The following PHF2 variants were observed in gnomAD, a reference collection of about 807,000 sequenced individuals.
PHF2 encodes PHD finger protein 2, also known as lysine-specific demethylase PHF2.
Under a neutral mutation model 120.5 loss-of-function variants are expected in PHF2, and 27 were observed. That is an observed-to-expected ratio of 0.22 (90% CI 0.17 to 0.31). The LOEUF (loss-of-function observed/expected upper bound fraction) is 0.31, where lower values mean the gene tolerates loss of function less well. Among genes scored for constraint, PHF2 ranks in the 10% least tolerant of loss-of-function variants. The probability of loss-of-function intolerance (pLI) is 1.00; values close to 1 mark genes in which losing one functional copy is unlikely to be tolerated. For missense variants in PHF2, 1,024 were observed against 1,434.8 expected (o/e 0.71, Z 4.63); for synonymous variants, 568 against 592.5 (o/e 0.96, Z 0.60).
At position 93,666,039 on chromosome 9, in the gene PHF2, G is replaced by A. The variant is rs1357567214; in HGVS notation, c.2166G>A (p.Lys722=). Residue 722 remains lysine (K), a synonymous_variant, in exon 16 of 22, where the codon AAG becomes AAA. Coordinates refer to ENST00000359246, the MANE Select transcript of PHF2 (RefSeq NM_005392.4). The stretch of plus-strand genomic sequence containing the variant: ...TGCCCACGCCTGTCACGAAGCCAAA[G>A]CTGGACTCGGCAGCGTACAAGGTGA... ...AVLPTPVTKP[K]LDSAAYKSDD... 4 of 1,613,178 alleles carry A rather than the reference G, an allele frequency of 2.5e-6. No homozygotes were observed. The East Asian group carries it at 6.7e-5, about 27-fold the overall frequency.
Position 93,656,572 on chromosome 9 carries a change from A to G in PHF2, c.1124A>G (p.Lys375Arg), listed in dbSNP as rs780158689. The G allele has an allele frequency of 6.2e-7, 1 of 1,613,644 alleles. No homozygotes were observed. ...GAAACTGCGTGCTGGTACATGGGGA[A>G]GCACCTGCTGGAGGCATTCAAAGGT... is the stretch of plus-strand genomic sequence containing the variant. ...NFETACWYMG[K>R]HLLEAFKGSH... The change falls in exon 9 of 22, where the codon AAG becomes AGG. Residue 375 changes from lysine to arginine, a missense_variant. By Grantham distance (26) the Lys-to-Arg change is conservative (BLOSUM62 2). This residue lies in a region of PHF2 where 347 missense variants were observed against 577.4 expected (regional missense o/e 0.60). Transcript: ENST00000359246. This position sits in a 1 kb window ranked among gnomAD's most constrained non-coding sequence, Gnocchi z 4.1.
rs1310589419 is a variant in PHF2, at chr9:93,658,370, C to G, written c.1239+134C>G. 4.1e-6 allele frequency: 3 copies of G among 737,720 alleles called. No homozygotes were observed. The African/African-American group carries it at 5.2e-5, about 13-fold the overall frequency. 45.7% of individuals were successfully genotyped at this position (737,720 alleles called of 1,614,324 possible). A position where few individuals can be genotyped will look rare whatever the true frequency, so the allele number is the denominator to read the frequency against. On this transcript the variant is annotated intron_variant, in intron 10 of 21. Transcript: ENST00000359246. ...CCAGCCTGGGAAGGACGGTGGTGCT[C>G]CCCTGCCTGGCTTGGCCCGGGGTGT... is the stretch of plus-strand genomic sequence containing the variant.
rs1826898974 is a variant in PHF2, at chr9:93,675,782, C to T, written c.2825C>T (p.Ser942Phe). 1 of 1,609,632 alleles carries T rather than the reference C, an allele frequency of 6.2e-7. No homozygotes were observed. The highest frequency in any genetic ancestry group is 1.3e-5 in the African/African-American group (1 of 74,826). Residue 942 changes from serine to phenylalanine, a missense_variant, in exon 20 of 22, where the codon TCC (serine) becomes TTC (phenylalanine). Ser to Phe is a radical substitution (Grantham distance 155). Transcript: ENST00000359246. Reference protein sequence around the residue: ...TGLAAAAAKLSQQEEQKSKKK... With the variant: ...TGLAAAAAKLFQQEEQKSKKK... ...CTGGCGGCTGCTGCAGCTAAGTTGTCCCAGCAGGTGAGGAGGGGCGAGAAG... is the reference window on the plus strand; with the variant it reads ...CTGGCGGCTGCTGCAGCTAAGTTGTTCCAGCAGGTGAGGAGGGGCGAGAAG...
At chr9:93,603,122 C>T (rs1453659849) in intron 1 of PHF2, among the ~76,000 whole-genome samples, 1 of 152,194 alleles carries the variant, frequency 6.6e-6, no homozygotes, top group South Asian at 2.1e-4. Flanking sequence ...TGATCACGTT[C>T]ATGCCATGAA....
intron 11 of PHF2, 54 bp from the exon 12 acceptor site, chr9:93,660,138 T>C (rs10992836): frequency 0.63 from 933,595 of 1,477,670 alleles, 299,855 homozygotes; most frequent in Non-Finnish European, 0.66. Context: ...GTGGACCGTC[T>C]TGGGCCACAG....
chr9:93,581,569 C>T (rs1862930754), intron 1 of PHF2, among the ~76,000 whole-genome samples: 1 of 152,188 alleles, frequency 6.6e-6, no homozygotes, highest in Admixed American at 6.5e-5. Flanking sequence ...GTAGACATCC[C>T]TCTCTGTCGA....
chr9:93,623,114 A>T (rs1825851715), intron 1 of PHF2, among the ~76,000 whole-genome samples: 1 of 152,112 alleles, frequency 6.6e-6, no homozygotes, highest in South Asian at 2.1e-4. Context: ...GTGACTGTGT[A>T]TGTGGGCATG....
intron 17 of PHF2, among the ~76,000 whole-genome samples, chr9:93,672,089 G>A (rs1257677343): frequency 1.5e-5 from 2 of 134,798 alleles, no homozygotes; most frequent in East Asian, 2.5e-4. Context: ...TGCAGGTGTG[G>A]GTGTGGATGT....
Position 93,656,057 on chromosome 9 carries a change from C to T in PHF2, c.1040+36C>T, listed in dbSNP as rs755270735. 1 of 1,554,670 alleles carries T rather than the reference C, an allele frequency of 6.4e-7. No homozygotes were observed. Among genetic ancestry groups the T allele is most frequent in the South Asian group, 1.2e-5 (1 of 86,856 alleles). On this transcript the variant is annotated intron_variant, in intron 8 of 21. Coordinates refer to ENST00000359246, the MANE Select transcript of PHF2 (RefSeq NM_005392.4). This position sits in a 1 kb window ranked among gnomAD's most constrained non-coding sequence, Gnocchi z 4.1. Reference sequence around the variant, plus strand: ...CCGCGCTGTCTGCCCTCGGGCTCCGCAGAGCAGCGTCCTCCCTCTAGCTGG... The same window carrying T: ...CCGCGCTGTCTGCCCTCGGGCTCCGTAGAGCAGCGTCCTCCCTCTAGCTGG...
At chr9:93,621,123 G>A (rs971777000) in intron 1 of PHF2, among the ~76,000 whole-genome samples, 2 of 152,236 alleles carry the variant, frequency 1.3e-5, no homozygotes, top group Non-Finnish European at 1.5e-5. Context: ...CAGATGTAGG[G>A]TCGGTGCTAG....
In PHF2 at chr9:93,654,864, C is replaced by T. The variant is rs144223519; in HGVS notation, c.952+289C>T. ...CACCACCGAGGCCACCTTGGAGCTG[C>T]GCAGCCAGTCACCCGCCTTCTCATC... On this transcript the variant is annotated intron_variant, in intron 7 of 21. Coordinates refer to ENST00000359246, the MANE Select transcript of PHF2 (RefSeq NM_005392.4). Among the ~76,000 whole-genome samples, 6 of 152,316 alleles carry T rather than the reference C, an allele frequency of 3.9e-5. No individual in the cohort carries two copies. The East Asian group carries it at 7.7e-4, about 20-fold the overall frequency.
Position 93,663,579 on chromosome 9 carries a change from A to G in PHF2, c.1881A>G (p.Leu627=). 3 of 1,613,632 alleles carry G rather than the reference A, an allele frequency of 1.9e-6. No individual in the cohort carries two copies. The highest frequency in any genetic ancestry group is 2.5e-6 in the Non-Finnish European group (3 of 1,179,712). ...AGCAGAAGCTAGAGAAGTCGCCTCT[A>G]GCTGGAAACAAAGACAATAAGTTCT... ...EEEQKLEKSP[L]AGNKDNKFSF... The change falls in exon 14 of 22, where the codon CTA becomes CTG. Residue 627 remains leucine, a synonymous_variant. Transcript: ENST00000359246.
At chr9:93,588,523 G>A (rs1317083124) in intron 1 of PHF2, among the ~76,000 whole-genome samples, 1 of 152,174 alleles carries the variant, frequency 6.6e-6, no homozygotes, top group African/African-American at 2.4e-5. Flanking sequence ...GAGTCTGTGG[G>A]ACTCAGAGGA....
intron 17 of PHF2, among the ~76,000 whole-genome samples, chr9:93,672,247 T>C (rs55780766): frequency 7.5e-6 from 1 of 133,264 alleles, no homozygotes. Context: ...TGGATGTAGG[T>C]ACAGGTGTAG....
At chr9:93,592,210 G>A (rs1369500823) in intron 1 of PHF2, among the ~76,000 whole-genome samples, 1 of 152,176 alleles carries the variant, frequency 6.6e-6, no homozygotes, top group Non-Finnish European at 1.5e-5. Flanking sequence ...GGCCTGCTGG[G>A]ATCTCAGGGT....
At chr9:93,577,978 C>CG (rs890808742) in intron 1 of PHF2, among the ~76,000 whole-genome samples, 5 of 152,182 alleles carry the variant, frequency 3.3e-5, no homozygotes, top group East Asian at 1.9e-4. Context: ...AGCAAGCAGC[C>CG]GGGGGAAAGA....
At chr9:93,643,226 A>G (rs1826197674) in intron 3 of PHF2, among the ~76,000 whole-genome samples, 2 of 151,992 alleles carry the variant, frequency 1.3e-5, no homozygotes, top group African/African-American at 4.8e-5. Context: ...CTAAGGTTTT[A>G]TGGTTTTCAC....
At chr9:93,636,843 A>C (rs1190014815) in intron 3 of PHF2, among the ~76,000 whole-genome samples, 2 of 152,200 alleles carry the variant, frequency 1.3e-5, no homozygotes, top group Non-Finnish European at 2.9e-5. Context: ...TACTCTCCTG[A>C]GCCCTTGGCT....
chr9:93,642,772 C>G (rs1304715215), intron 3 of PHF2, among the ~76,000 whole-genome samples: 1 of 152,130 alleles, frequency 6.6e-6, no homozygotes, highest in African/African-American at 2.4e-5. Context: ...ACTCTGTTTT[C>G]TCTTTTAGTA....
Sources: allele counts gnomAD v4.1 joint callset (sites outside exome capture counted in the v4.1 genomes callset), GRCh38; gene constraint gnomAD v4.1.1; regional missense constraint gnomAD v4.1.1; non-coding constraint Gnocchi (gnomAD v3.1); transcripts MANE v1.5; gene names NCBI Gene and HGNC (gene_info 2026-07-23, HGNC 2026-07-21).